Variants in IRAK1BP1 observed in about 807,000 individuals in gnomAD.
IRAK1BP1 encodes the protein interleukin-1 receptor-associated kinase 1-binding protein 1.
In IRAK1BP1, 24 loss-of-function variants were observed where a neutral mutation model predicts 28.0. The ratio of observed to expected loss-of-function variants is 0.86; its 90% CI spans 0.62 to 1.20. The LOEUF (loss-of-function observed/expected upper bound fraction) is 1.20, where lower values mean the gene tolerates loss of function less well. IRAK1BP1 is among the 50% of genes most tolerant of loss of function. IRAK1BP1 has a pLI of 0.00. For synonymous variants in IRAK1BP1, 131 were observed against 116.3 expected, an observed-to-expected ratio of 1.13 and a Z score of -0.81; for missense variants, 336 against 316.7, an observed-to-expected ratio of 1.06 and a Z score of -0.46.
In IRAK1BP1 at chr6:78,925,270, T is replaced by C. The variant is rs973713489; in HGVS notation, c.*68-20138T>C. Among the ~76,000 whole-genome samples, 20 of 151,952 alleles carry C rather than the reference T, an allele frequency of 1.3e-4. 1 individual carries two copies. The highest frequency in any genetic ancestry group is 4.4e-4 in the African/African-American group (18 of 41,358). On this transcript the variant is annotated intron_variant and NMD_transcript_variant, in intron 4 of 4. Coordinates refer to the IRAK1BP1 transcript ENST00000606868. ...CACCAACATGGCACATGTATACATA[T>C]GTAACAAACCTGCACATTGTGGACA... is the stretch of plus-strand genomic sequence containing the variant.
chr6:78,903,464 T>G (rs1316087576), downstream of IRAK1BP1, among the ~76,000 whole-genome samples: 1 of 152,100 alleles, frequency 6.6e-6, no homozygotes, highest in African/African-American at 2.4e-5. Flanking sequence ...GCACTCCAGC[T>G]TGGGCGACAG....
At chr6:78,913,541 G>C (rs1250492765) in intron 4 of IRAK1BP1, among the ~76,000 whole-genome samples, 3 of 152,114 alleles carry the variant, frequency 2.0e-5, no homozygotes, top group Admixed American at 6.5e-5. Flanking sequence ...AGCTACTTGG[G>C]TGGCTGAGGC....
At chr6:78,955,151 C>T in the IRAK1BP1 span, 12 of 1,013,222 alleles carry the variant, frequency 1.2e-5, no homozygotes, top group East Asian at 3.0e-4. Context: ...TTTTAAAATG[C>T]TAAGAGTAAA....
intron 4 of IRAK1BP1, among the ~76,000 whole-genome samples, chr6:78,929,631 G>A (rs1436052580): frequency 6.6e-6 from 1 of 152,132 alleles, no homozygotes; most frequent in South Asian, 2.1e-4. Flanking sequence ...CCAAACCTCC[G>A]CAGTATACCT....
chr6:78,879,732 A>G (rs1771153053), intron 1 of IRAK1BP1, among the ~76,000 whole-genome samples: 1 of 152,210 alleles, frequency 6.6e-6, no homozygotes, highest in Admixed American at 6.5e-5. Flanking sequence ...GACAAGAGTG[A>G]CATCAGAGTC....
Position 78,885,379 on chromosome 6 carries a change from C to T in IRAK1BP1, c.317C>T (p.Ala106Val), listed in dbSNP as rs148053167. 1,149 of 1,565,478 alleles carry T rather than the reference C, an allele frequency of 7.3e-4. 4 individuals carry two copies. The highest frequency in any genetic ancestry group is 2.2e-3 in the Middle Eastern group (13 of 5,962). Residue 106 changes from alanine to valine, a missense_variant and splice_region_variant, in exon 2 of 4, where the codon GCA (alanine) becomes GTA (valine). Ala to Val is a moderately conservative substitution (Grantham distance 64, BLOSUM62 0). Coordinates refer to ENST00000369940, the MANE Select transcript of IRAK1BP1 (RefSeq NM_001010844.4). ...TQSLQQQGVQ[A>V]ENITVTKDFR... Reference sequence around the variant, plus strand: ...ACTCTTGGACTTTTTCTGTTTCAGGCAGAAAATATAACTGTGACAAAGGAT... The same window carrying T: ...ACTCTTGGACTTTTTCTGTTTCAGGTAGAAAATATAACTGTGACAAAGGAT...
intron 4 of IRAK1BP1, chr6:78,937,518 ATAAC>A (rs1204297866): frequency 2.0e-5 from 3 of 151,746 alleles, no homozygotes; most frequent in African/African-American, 7.2e-5. Context: ...TTTCCAAGTG[ATAAC>A]TAAATTTAGT....
At chr6:78,888,867 C>T (rs1010540151) in intron 2 of IRAK1BP1, among the ~76,000 whole-genome samples, 1 of 151,970 alleles carries the variant, frequency 6.6e-6, no homozygotes, top group Admixed American at 6.5e-5. Flanking sequence ...CCTCTAATCC[C>T]AGCACTTTGG....
At chr6:78,889,371 A>G (rs1307970815) in intron 2 of IRAK1BP1, among the ~76,000 whole-genome samples, 4 of 152,098 alleles carry the variant, frequency 2.6e-5, no homozygotes, top group Non-Finnish European at 5.9e-5. Context: ...ATGGGCAAAG[A>G]CTTCATAACT....
chr6:78,931,764 C>T (rs960165930), intron 4 of IRAK1BP1, among the ~76,000 whole-genome samples: 7 of 152,148 alleles, frequency 4.6e-5, no homozygotes, highest in Non-Finnish European at 7.3e-5. Context: ...TGGAGGGTCT[C>T]GCTCCAATGT....
intron 1 of IRAK1BP1, 47 bp downstream of exon 1, chr6:78,867,938 G>T: frequency 2.7e-6 from 4 of 1,489,296 alleles, no homozygotes; most frequent in Non-Finnish European, 3.6e-6. Flanking sequence ...GACACAAAAG[G>T]GTTGGCAGAT....
intron 1 of IRAK1BP1, among the ~76,000 whole-genome samples, chr6:78,877,414 G>T (rs1044703927): frequency 8.5e-5 from 13 of 152,106 alleles, no homozygotes; most frequent in African/African-American, 2.4e-5. Flanking sequence ...AAATATATCA[G>T]ATATTTTACT....
rs769211188 is a variant in IRAK1BP1 at position 78,885,460 on chromosome 6, T to C, written c.381+17T>C. Reference sequence around the variant, plus strand: ...GAAGCAGAGGTATGTACTTAACAAATAATTGGAAGCAGCATGATTTTGTGG... The same window carrying C: ...GAAGCAGAGGTATGTACTTAACAAACAATTGGAAGCAGCATGATTTTGTGG... On this transcript the variant is annotated intron_variant, in intron 2 of 3. Transcript: ENST00000369940. 1.4e-6 allele frequency: 1 copy of C among 690,480 alleles called. No individual in the cohort carries two copies. The highest frequency in any genetic ancestry group is 2.1e-5 in the African/African-American group (1 of 47,522). The allele number at this position is 690,480 out of a possible 1,614,324, so 42.8% of individuals were successfully genotyped here. A position where few individuals can be genotyped will look rare whatever the true frequency, so the allele number is the denominator to read the frequency against.
In IRAK1BP1 at chr6:78,902,768, C is replaced by CTACATACATACATACATACA. The variant is rs67306723; in HGVS notation, c.*4469_*4488dup. On this transcript the variant is annotated 3_prime_UTR_variant, in exon 4 of 4. Coordinates refer to ENST00000369940, the MANE Select transcript of IRAK1BP1 (RefSeq NM_001010844.4). ...CCTGGGTGACAAAGTGAGACTCCAT[C>CTACATACATACATACATACA]TACATACATACATACATACATACAT... 2 of 311,652 alleles carry CTACATACATACATACATACA rather than the reference C, an allele frequency of 6.4e-6. No homozygotes were observed. Among genetic ancestry groups the CTACATACATACATACATACA allele is most frequent in the Non-Finnish European group, 1.2e-5 (2 of 170,010 alleles). The allele number at this position is 311,652 out of a possible 1,614,324, so 19.3% of individuals were successfully genotyped here. A position where few individuals can be genotyped will look rare whatever the true frequency, so the allele number is the denominator to read the frequency against.
chr6:78,963,933 G>A, the IRAK1BP1 span, among the ~76,000 whole-genome samples: 3 of 151,778 alleles, frequency 2.0e-5, no homozygotes, highest in Non-Finnish European at 2.9e-5. Flanking sequence ...CTATAGGTTC[G>A]TATGAATGTG....
downstream of IRAK1BP1, among the ~76,000 whole-genome samples, chr6:78,950,714 C>G (rs748762741): frequency 3.9e-5 from 6 of 152,146 alleles, no homozygotes; most frequent in Non-Finnish European, 8.8e-5. Context: ...CTGATATTAA[C>G]AATCTGTCTT....
At chr6:78,932,421 CTTTTTTTT>C (rs386407659) in intron 4 of IRAK1BP1, among the ~76,000 whole-genome samples, 14 of 123,702 alleles carry the variant, frequency 1.1e-4, no homozygotes, top group African/African-American at 3.0e-4. Context: ...CTTTCTTTTT[CTTTTTTTT>C]TTTTTTTTTG....
chr6:78,971,616 A>C, the IRAK1BP1 span, among the ~76,000 whole-genome samples: 32 of 152,228 alleles, frequency 2.1e-4, no homozygotes, highest in African/African-American at 5.3e-4. Context: ...ATCTGAGGTA[A>C]CGGGTTCATC....
intron 1 of IRAK1BP1, among the ~76,000 whole-genome samples, chr6:78,874,956 A>G (rs147607534): frequency 1.3e-5 from 2 of 152,216 alleles, no homozygotes; most frequent in South Asian, 2.1e-4. Flanking sequence ...GTAAACAGAA[A>G]CACTATAGAA....
Sources: gnomAD v4.1 joint callset for allele counts (sites outside exome capture counted in the v4.1 genomes callset) on GRCh38, gnomAD v4.1.1 for gene constraint, MANE v1.5 for transcripts, NCBI Gene and HGNC (gene_info 2026-07-23, HGNC 2026-07-21) for gene names.